Variants in ACACA observed in about 807,000 individuals in gnomAD.
ACACA encodes the protein acetyl-CoA carboxylase alpha.
A neutral mutation model predicts 296.1 loss-of-function variants in ACACA; 103 were observed. That is an observed-to-expected ratio of 0.35 (90% confidence interval 0.30 to 0.41). The LOEUF is 0.41. ACACA is among the 10% of genes least tolerant of loss of function. ACACA has a pLI of 1.00. For missense variants in ACACA, 1,554 were observed against 2,989.7 expected (o/e 0.52, Z 11.20); for synonymous variants, 953 against 1,038.6 (o/e 0.92, Z 1.58).
At chr17:37,260,512 C>T (rs1024493178) in intron 11 of ACACA, among the ~76,000 whole-genome samples, 12 of 151,098 alleles carry the variant, frequency 7.9e-5, no homozygotes, top group Admixed American at 2.6e-4. Flanking sequence ...TCATGTTGGC[C>T]AGGCTGGTCT....
chr17:37,248,213 A>G (rs1336070514), intron 17 of ACACA, 57 bp from the exon 18 acceptor site: 12 of 1,597,736 alleles, frequency 7.5e-6, no homozygotes, highest in Non-Finnish European at 1.0e-5. Flanking sequence ...CTCCAAATGA[A>G]ATTTGAATGC....
At chr17:37,305,616 C>T (rs1033609424) in intron 3 of ACACA, among the ~76,000 whole-genome samples, 1 of 152,206 alleles carries the variant, frequency 6.6e-6, no homozygotes, top group Non-Finnish European at 1.5e-5. Flanking sequence ...CCTCAGCCTG[C>T]AATATGCTTG....
At chr17:37,234,780 T>C (rs570500916) in intron 25 of ACACA, among the ~76,000 whole-genome samples, 195 bp downstream of exon 25, 7 of 152,336 alleles carry the variant, frequency 4.6e-5, no homozygotes, top group African/African-American at 1.7e-4. Flanking sequence ...AGAGTCATTT[T>C]CTCACTAAAG....
intron 1 of ACACA, among the ~76,000 whole-genome samples, chr17:37,353,636 C>T (rs1228743918): frequency 4.9e-5 from 1 of 20,492 alleles, no homozygotes; most frequent in Non-Finnish European, 9.8e-5. Context: ...AAGACTCCGT[C>T]TAAAAAAAAA....
chr17:37,160,712 G>A (rs2076426212), intron 42 of ACACA, among the ~76,000 whole-genome samples: 1 of 152,186 alleles, frequency 6.6e-6, no homozygotes, highest in African/African-American at 2.4e-5. Flanking sequence ...CAAGTTGAGA[G>A]AGAAAGTTGA....
At chr17:37,124,738 G>A (rs1746613843) in intron 48 of ACACA, among the ~76,000 whole-genome samples, 1 of 152,206 alleles carries the variant, frequency 6.6e-6, no homozygotes, top group Admixed American at 6.5e-5. Flanking sequence ...CTCCAGGCCA[G>A]AATCCTATTC....
intron 54 of ACACA, among the ~76,000 whole-genome samples, chr17:37,089,607 C>T (rs762443198): frequency 2.6e-5 from 4 of 152,108 alleles, no homozygotes; most frequent in Non-Finnish European, 4.4e-5. Flanking sequence ...GAGGCACGGA[C>T]GGGGAACTGA....
intron 3 of ACACA, among the ~76,000 whole-genome samples, chr17:37,287,729 C>A (rs1054963845): frequency 6.7e-6 from 1 of 148,704 alleles, no homozygotes; most frequent in African/African-American, 2.5e-5. Flanking sequence ...GGCGACAGAG[C>A]GAGACTCTGT....
chr17:37,202,700 TATATATATATATAC>T (rs1207065385), intron 33 of ACACA, among the ~76,000 whole-genome samples: 6 of 17,924 alleles, frequency 3.3e-4, no homozygotes, highest in South Asian at 3.8e-3. Context: ...TATATATATA[TATATATATATATAC>T]ACACACACAT....
intron 52 of ACACA, among the ~76,000 whole-genome samples, chr17:37,109,250 A>G (rs1369269330): frequency 5.3e-5 from 8 of 152,222 alleles, no homozygotes; most frequent in African/African-American, 1.4e-4. Flanking sequence ...TGTTTCTTTC[A>G]TATTTTCACA....
chr17:37,201,290 A>C (rs1318709735), intron 33 of ACACA, among the ~76,000 whole-genome samples: 1 of 152,142 alleles, frequency 6.6e-6, no homozygotes, highest in East Asian at 1.9e-4. Flanking sequence ...AATAGAAAAA[A>C]ATGAGCCAAG....
At chr17:37,280,947 T>C (rs184658752) in intron 5 of ACACA, among the ~76,000 whole-genome samples, 10 of 152,268 alleles carry the variant, frequency 6.6e-5, no homozygotes, top group African/African-American at 2.2e-4. Flanking sequence ...CTTTATGCAT[T>C]TGCAATGCTG....
intron 29 of ACACA, among the ~76,000 whole-genome samples, chr17:37,213,152 T>TACAC (rs140736366): frequency 2.0e-3 from 291 of 148,864 alleles, no homozygotes; most frequent in Non-Finnish European, 1.8e-3. Flanking sequence ...AATCCATCTT[T>TACAC]ACACACACAC....
Position 37,263,913 on chromosome 17 carries a change from A to G in ACACA, c.1120-19T>C, listed in dbSNP as rs754690771. 236 of 1,508,852 alleles carry G rather than the reference A, an allele frequency of 1.6e-4. 1 individual carries two copies. The highest frequency in any genetic ancestry group is 3.7e-4 in the East Asian group (16 of 43,448). The allele number at this position is 1,508,852 out of a possible 1,614,324, so 93.5% of individuals were successfully genotyped here. A position where few individuals can be genotyped will look rare whatever the true frequency, so the allele number is the denominator to read the frequency against. ...CTTGAACCTGTATTAGAAAAGGGGG[A>G]AAAAAAAAACCAATTCTTAAATTTT... On this transcript the variant is annotated intron_variant, in intron 10 of 55. Coordinates refer to ENST00000616317, the MANE Select transcript of ACACA (RefSeq NM_198834.3).
intron 1 of ACACA, among the ~76,000 whole-genome samples, chr17:37,361,785 G>A (rs1281788317): frequency 2.0e-5 from 3 of 152,196 alleles, no homozygotes; most frequent in African/African-American, 7.2e-5. Flanking sequence ...AAGCTATTAC[G>A]TCTGTAAGAG....
intron 3 of ACACA, among the ~76,000 whole-genome samples, chr17:37,307,266 G>A (rs990906700): frequency 6.6e-6 from 1 of 152,182 alleles, no homozygotes; most frequent in East Asian, 1.9e-4. Flanking sequence ...CACTAGTGAG[G>A]TATGTGCATG....
At chr17:37,099,558 GCAGGAGGGCT>G (rs1366505891) in intron 52 of ACACA, among the ~76,000 whole-genome samples, 3 of 146,412 alleles carry the variant, frequency 2.0e-5, no homozygotes, top group Admixed American at 6.7e-5. Context: ...AGGGCTGATG[GCAGGAGGGCT>G]GATGGCGGGA....
chr17:37,174,014 ATATATATTTTTT>A (rs1291786644), intron 41 of ACACA, among the ~76,000 whole-genome samples: 20 of 14,008 alleles, frequency 1.4e-3, no homozygotes, highest in Non-Finnish European at 2.1e-3. Flanking sequence ...ATATATATAT[ATATATATTTTTT>A]TTTTTTTTTT....
chr17:37,115,619 T>C (rs1359886645), intron 50 of ACACA, among the ~76,000 whole-genome samples: 3 of 152,180 alleles, frequency 2.0e-5, no homozygotes, highest in African/African-American at 4.8e-5. Flanking sequence ...AATTAACAGA[T>C]TGACATCTCA....
Sources: allele counts gnomAD v4.1 joint callset (sites outside exome capture counted in the v4.1 genomes callset), GRCh38; gene constraint gnomAD v4.1.1; transcripts MANE v1.5; gene names NCBI Gene and HGNC (gene_info 2026-07-23, HGNC 2026-07-21).